The following SMYD1 variants were observed in gnomAD, a reference collection of about 807,000 sequenced individuals.
The protein encoded by SMYD1 is SET and MYND domain containing 1, also known as histone-lysine N-methyltransferase SMYD1.
Under a neutral mutation model 54.0 loss-of-function variants are expected in SMYD1, and 49 were observed. That is an observed-to-expected ratio of 0.91 (90% CI 0.72 to 1.15). The LOEUF (loss-of-function observed/expected upper bound fraction) is 1.15. Among genes scored for constraint, SMYD1 ranks in the 50% most tolerant of loss-of-function variants. The pLI is 0.00. For synonymous variants in SMYD1, 269 were observed against 234.2 expected, an observed-to-expected ratio of 1.15 and a Z score of -1.36; for missense variants, 653 against 639.6, an observed-to-expected ratio of 1.02 and a Z score of -0.23.
intron 1 of SMYD1, among the ~76,000 whole-genome samples, chr2:88,083,825 G>A (rs1338569709): frequency 2.6e-5 from 4 of 152,308 alleles, no homozygotes; most frequent in Middle Eastern, 6.8e-3. Flanking sequence ...GGCCAGGCGC[G>A]GTGGCTCATG....
At chr2:88,070,543 C>A (rs1233222110) in intron 1 of SMYD1, among the ~76,000 whole-genome samples, 1 of 151,254 alleles carries the variant, frequency 6.6e-6, no homozygotes, top group African/African-American at 2.4e-5. Flanking sequence ...AACACCAAAC[C>A]AACTTAACTA....
rs770581087 is a variant in SMYD1, at chr2:88,112,345, C to T, written c.*1833C>T. Reference sequence around the variant, plus strand: ...TCTAATATTTGTTGTCTTTAACAAACTGTGTTCTGTGTCTGTGCTCCTCCT... The same window carrying T: ...TCTAATATTTGTTGTCTTTAACAAATTGTGTTCTGTGTCTGTGCTCCTCCT... On this transcript the variant is annotated 3_prime_UTR_variant, in exon 10 of 10. Coordinates refer to ENST00000419482, the MANE Select transcript of SMYD1 (RefSeq NM_198274.4). The T allele has an allele frequency of 1.7e-4, 98 of 583,016 alleles. No homozygotes were observed. The highest frequency in any genetic ancestry group is 2.6e-4 in the Non-Finnish European group (85 of 326,758). 36.1% of individuals were successfully genotyped at this position (583,016 alleles called of 1,614,324 possible). A position where few individuals can be genotyped will look rare whatever the true frequency, so the allele number is the denominator to read the frequency against.
chr2:88,088,227 C>T, intron 3 of SMYD1, 152 bp downstream of exon 3: 2 of 934,730 alleles, frequency 2.1e-6, no homozygotes, highest in Non-Finnish European at 3.1e-6. Context: ...ATAAAGGTCT[C>T]ATCTAGCCCA....
chr2:88,110,128 T>A (rs920262242), intron 9 of SMYD1, among the ~76,000 whole-genome samples: 18 of 152,046 alleles, frequency 1.2e-4, no homozygotes, highest in African/African-American at 4.1e-4. Flanking sequence ...CTTCAGCTAC[T>A]CTCTCAGGGT....
chr2:88,084,443 G>T lies in SMYD1; in HGVS notation c.265G>T (p.Glu89Ter). 1.0e-5 allele frequency: 16 copies of T among 1,606,248 alleles called. No individual in the cohort carries two copies. The highest frequency in any genetic ancestry group is 1.4e-5 in the Non-Finnish European group (16 of 1,173,698). ...GGATGCTTGGCTGAACCACAAGAATGAATGTTCGGCCATCAAGAGATATGG... is the reference window on the plus strand; with the variant it reads ...GGATGCTTGGCTGAACCACAAGAATTAATGTTCGGCCATCAAGAGATATGG... ...QKDAWLNHKN[E>*]CSAIKRYGKV... Residue 89 changes from glutamate (E) to a stop codon, truncating the protein, a stop_gained, in exon 2 of 10, where the codon GAA becomes TAA. Transcript: ENST00000419482. LOFTEE classifies it high-confidence loss of function.
At chr2:88,090,980 C>G in intron 3 of SMYD1, 32 bp from the exon 4 acceptor site, 1 of 1,601,000 alleles carries the variant, frequency 6.2e-7, no homozygotes, top group African/African-American at 1.3e-5. Context: ...CCATGTCTGT[C>G]GACTGACTCT....
At chr2:88,102,021 C>G (rs1456217464) in intron 6 of SMYD1, among the ~76,000 whole-genome samples, 1 of 151,974 alleles carries the variant, frequency 6.6e-6, no homozygotes, top group Non-Finnish European at 1.5e-5. Context: ...AAAATGTTCC[C>G]CCAGATACTA....
chr2:88,070,746 C>T (rs2028483), intron 1 of SMYD1, among the ~76,000 whole-genome samples: 11,005 of 151,912 alleles, frequency 0.072, 453 homozygotes, highest in African/African-American at 0.12. Context: ...GAGTTCAGGA[C>T]TAGCCTGGCC....
chr2:88,076,189 T>C (rs1674057440), intron 1 of SMYD1, among the ~76,000 whole-genome samples: 1 of 152,178 alleles, frequency 6.6e-6, no homozygotes, highest in East Asian at 1.9e-4. Context: ...GCCTGGGGAC[T>C]GCTTGAAGGC....
chr2:88,090,940 C>A, intron 3 of SMYD1, 72 bp from the exon 4 acceptor site: 1 of 1,519,688 alleles, frequency 6.6e-7, no homozygotes, highest in Non-Finnish European at 8.9e-7. Flanking sequence ...TTTTTTAAAA[C>A]TCCTTTCAAC....
chr2:88,088,192 G>T lies in SMYD1; in HGVS notation c.528+117G>T, dbSNP rs191082259. 301 of 1,149,322 alleles carry T rather than the reference G, an allele frequency of 2.6e-4. 2 individuals carry two copies. The Middle Eastern group carries it at 3.7e-3, about 14-fold the overall frequency. 71.2% of individuals were successfully genotyped at this position (1,149,322 alleles called of 1,614,324 possible). On this transcript the variant is annotated intron_variant, in intron 3 of 9. Transcript: ENST00000419482. ...GAACTAAGAGGCAGAAGCCCTGTCT[G>T]CCCTGGACCCTGATTTCTATTTCCA...
At chr2:88,101,262 G>A (rs181389115) in intron 6 of SMYD1, among the ~76,000 whole-genome samples, 90 of 152,336 alleles carry the variant, frequency 5.9e-4, no homozygotes, top group African/African-American at 2.1e-3. Context: ...ACCGCAAATC[G>A]AAAGGAAGCT....
At chr2:88,107,035 T>C (rs1260835796) in intron 8 of SMYD1, among the ~76,000 whole-genome samples, 2 of 151,400 alleles carry the variant, frequency 1.3e-5, no homozygotes, top group Non-Finnish European at 2.9e-5. Flanking sequence ...CCCGTCTCTA[T>C]TAAAAAATAC....
At position 88,093,501 on chromosome 2, in the gene SMYD1, C is replaced by T; in HGVS notation, c.660-16C>T. 1 of 1,614,106 alleles carries T rather than the reference C, an allele frequency of 6.2e-7. No homozygotes were observed. Among genetic ancestry groups the T allele is most frequent in the Admixed American group, 1.7e-5 (1 of 60,024 alleles). Reference sequence around the variant, plus strand: ...ATGATAATGATTTCCATATGGGTGTCTGTTTTGTCTTTCAGTCATGAGGCA... The same window carrying T: ...ATGATAATGATTTCCATATGGGTGTTTGTTTTGTCTTTCAGTCATGAGGCA... On this transcript the variant is annotated splice_polypyrimidine_tract_variant and intron_variant, in intron 4 of 9. Coordinates refer to ENST00000419482, the MANE Select transcript of SMYD1 (RefSeq NM_198274.4).
chr2:88,087,448 T>C (rs1458612786), intron 2 of SMYD1, among the ~76,000 whole-genome samples: 1 of 152,184 alleles, frequency 6.6e-6, no homozygotes, highest in Non-Finnish European at 1.5e-5. Flanking sequence ...TTCCTGCTAC[T>C]TCTCCATCAT....
chr2:88,103,003 T>A, intron 6 of SMYD1, 55 bp from the exon 7 acceptor site: 4 of 1,383,116 alleles, frequency 2.9e-6, no homozygotes, highest in Non-Finnish European at 4.1e-6. Flanking sequence ...TATTCAAAGG[T>A]GGAATGGGTT....
intron 2 of SMYD1, among the ~76,000 whole-genome samples, chr2:88,087,209 C>A (rs949739062): frequency 3.9e-5 from 6 of 151,934 alleles, no homozygotes; most frequent in Non-Finnish European, 8.8e-5. Context: ...TACAAGCCAC[C>A]AGATAGATTC....
At chr2:88,100,021 C>T (rs1674685545) in intron 6 of SMYD1, among the ~76,000 whole-genome samples, 1 of 150,758 alleles carries the variant, frequency 6.6e-6, no homozygotes, top group Non-Finnish European at 1.5e-5. Flanking sequence ...CCCTCAGATC[C>T]CCCACCTCCT....
At chr2:88,104,207 C>G (rs890469666) in intron 7 of SMYD1, among the ~76,000 whole-genome samples, 4 of 152,186 alleles carry the variant, frequency 2.6e-5, no homozygotes, top group African/African-American at 9.6e-5. Flanking sequence ...ACATCATGAT[C>G]TGCCCGCCTT....
Sources: gnomAD v4.1 joint callset for allele counts (sites outside exome capture counted in the v4.1 genomes callset) on GRCh38, gnomAD v4.1.1 for gene constraint, MANE v1.5 for transcripts, NCBI Gene and HGNC (gene_info 2026-07-23, HGNC 2026-07-21) for gene names.